Variants in KIRREL1 observed in about 807,000 individuals in gnomAD.
The protein encoded by KIRREL1 is kirre like nephrin family adhesion molecule 1.
KIRREL1 carries 25 observed loss-of-function variants against 83.3 expected under a neutral mutation model. The ratio of observed to expected loss-of-function variants is 0.30; its 90% CI spans 0.22 to 0.42. KIRREL1 has a LOEUF of 0.42. Ranked by LOEUF, KIRREL1 falls within the 10% of genes least tolerant of loss-of-function variation. The probability of loss-of-function intolerance (pLI) is 1.00; values close to 1 mark genes in which losing one functional copy is unlikely to be tolerated. For missense variants in KIRREL1, 812 were observed against 1,032.3 expected (o/e 0.79, Z 2.92); for synonymous variants, 388 against 410.4 (o/e 0.95, Z 0.66).
At chr1:158,077,677 C>T (rs953088658) in intron 2 of KIRREL1, among the ~76,000 whole-genome samples, 2 of 152,226 alleles carry the variant, frequency 1.3e-5, no homozygotes, top group Non-Finnish European at 2.9e-5. Flanking sequence ...CTCTCCTTTG[C>T]TCCCTGCTGT....
At chr1:157,998,329 C>G (rs1407355923) in intron 1 of KIRREL1, among the ~76,000 whole-genome samples, 3 of 152,132 alleles carry the variant, frequency 2.0e-5, no homozygotes, top group Non-Finnish European at 4.4e-5. Flanking sequence ...AGAATGAGAA[C>G]TAGGAAGAAA....
At chr1:158,057,731 C>T (rs1346124521) in intron 1 of KIRREL1, among the ~76,000 whole-genome samples, 1 of 152,162 alleles carries the variant, frequency 6.6e-6, no homozygotes, top group Admixed American at 6.5e-5. Flanking sequence ...AGCAGTTGGT[C>T]CCCTGAAAAG....
rs1305518460 is a variant in KIRREL1 at position 158,091,525 on chromosome 1, A to G, written c.1440A>G (p.Pro480=). ...GCACCGCCTGGAACAGCTTCGGGCC[A>G]GGCACAGCCATCATCCAGCTGGAAG... ...YNCTAWNSFG[P]GTAIIQLEER... is the part of the protein sequence containing the mutation. The change falls in exon 11 of 15, where the codon CCA becomes CCG. Residue 480 remains proline, a synonymous_variant. Transcript: ENST00000359209. The G allele has an allele frequency of 3.1e-6, 5 of 1,614,158 alleles. No individual in the cohort carries two copies. Among genetic ancestry groups the G allele is most frequent in the African/African-American group, 1.3e-5 (1 of 74,960 alleles).
At chr1:158,041,295 G>A (rs553890991) in intron 1 of KIRREL1, among the ~76,000 whole-genome samples, 3 of 152,324 alleles carry the variant, frequency 2.0e-5, no homozygotes, top group Admixed American at 6.5e-5. Context: ...CACAACTCCC[G>A]TGTGCCACTC....
intron 1 of KIRREL1, among the ~76,000 whole-genome samples, chr1:158,039,739 G>T (rs1414935273): frequency 1.3e-5 from 2 of 152,138 alleles, no homozygotes; most frequent in Non-Finnish European, 2.9e-5. Context: ...ATACAGTCTG[G>T]TCATGTATTG....
chr1:158,087,925 G>A (rs1262412213), intron 6 of KIRREL1, 65 bp downstream of exon 6: 22 of 1,606,810 alleles, frequency 1.4e-5, no homozygotes, highest in Non-Finnish European at 1.8e-5. Context: ...GTTAGAGGCT[G>A]TACTGGGGAG....
chr1:158,021,662 G>GAT (rs1164138775), intron 1 of KIRREL1, among the ~76,000 whole-genome samples: 1 of 152,102 alleles, frequency 6.6e-6, no homozygotes, highest in African/African-American at 2.4e-5. Flanking sequence ...CAGGTTACAG[G>GAT]ATATATATAA....
chr1:157,995,965 A>C (rs1274598031), intron 1 of KIRREL1, among the ~76,000 whole-genome samples: 1 of 151,550 alleles, frequency 6.6e-6, no homozygotes, highest in Non-Finnish European at 1.5e-5. Context: ...AGAGCTTGGC[A>C]GGACCCCCTT....
intron 1 of KIRREL1, among the ~76,000 whole-genome samples, chr1:158,044,776 G>T (rs1383446063): frequency 6.6e-6 from 1 of 152,076 alleles, no homozygotes; most frequent in African/African-American, 2.4e-5. Context: ...TTTTCCAAGT[G>T]CTGAGGATAC....
At position 158,095,025 on chromosome 1, in the gene KIRREL1, A is replaced by G. The variant is rs759859280; in HGVS notation, c.2179A>G (p.Ile727Val). 5 of 1,613,904 alleles carry G rather than the reference A, an allele frequency of 3.1e-6. No individual in the cohort carries two copies. Among genetic ancestry groups the G allele is most frequent in the Non-Finnish European group, 4.2e-6 (5 of 1,179,898 alleles). The change falls in exon 15 of 15, where the codon ATT becomes GTT. Residue 727 changes from isoleucine to valine, a missense_variant. Ile to Val is a conservative substitution (Grantham distance 29). Coordinates refer to ENST00000359209, the MANE Select transcript of KIRREL1 (RefSeq NM_018240.7). Reference protein sequence around the residue: ...ERTPYEAYDPIGKYATATRFS... With the variant: ...ERTPYEAYDPVGKYATATRFS... Reference sequence around the variant, plus strand: ...GACCCCATATGAGGCGTATGACCCCATTGGCAAGTACGCCACAGCCACTCG... The same window carrying G: ...GACCCCATATGAGGCGTATGACCCCGTTGGCAAGTACGCCACAGCCACTCG...
intron 1 of KIRREL1, among the ~76,000 whole-genome samples, chr1:158,001,160 A>G (rs547953673): frequency 6.6e-6 from 1 of 152,170 alleles, no homozygotes; most frequent in Non-Finnish European, 1.5e-5. Context: ...AGTCTGAGGA[A>G]TATATCTTCA....
intron 1 of KIRREL1, 37 bp downstream of exon 1, chr1:157,993,765 C>A (rs901561474): frequency 2.0e-5 from 27 of 1,365,902 alleles, no homozygotes; most frequent in Non-Finnish European, 2.5e-5. Flanking sequence ...CGCTCGGCTT[C>A]CCCCCGGGGC....
chr1:158,019,073 G>C (rs1431228460), intron 1 of KIRREL1, among the ~76,000 whole-genome samples: 1 of 152,148 alleles, frequency 6.6e-6, no homozygotes, highest in African/African-American at 2.4e-5. Context: ...CTGCCCTCTA[G>C]AAATTCCCAA....
rs1410600428 is a variant in KIRREL1, at chr1:158,097,061, C to A, written c.*1941C>A. The A allele has an allele frequency of 2.2e-6, 1 of 456,786 alleles. No individual in the cohort carries two copies. The highest frequency in any genetic ancestry group is 6.9e-5 in the East Asian group (1 of 14,396). 28.3% of individuals were successfully genotyped at this position (456,786 alleles called of 1,614,324 possible). A position where few individuals can be genotyped will look rare whatever the true frequency, so the allele number is the denominator to read the frequency against. ...TTAACTTCACAGGAAGTCTGTGCAT[C>A]CTCCTTCATTTCAGCAGGGAAAACT... On this transcript the variant is annotated 3_prime_UTR_variant, in exon 15 of 15. Transcript: ENST00000359209.
At chr1:157,999,556 T>A (rs986310528) in intron 1 of KIRREL1, among the ~76,000 whole-genome samples, 12 of 152,132 alleles carry the variant, frequency 7.9e-5, no homozygotes, top group Non-Finnish European at 1.6e-4. Context: ...TCTCCCCAAT[T>A]TCTGGGAGAT....
intron 1 of KIRREL1, among the ~76,000 whole-genome samples, chr1:158,072,851 G>A (rs893546400): frequency 3.7e-5 from 5 of 135,860 alleles, no homozygotes; most frequent in Non-Finnish European, 4.8e-5. Flanking sequence ...TGCAGGCCTC[G>A]GACAGGGCAT....
intron 1 of KIRREL1, among the ~76,000 whole-genome samples, chr1:158,003,843 A>G (rs1292965536): frequency 6.6e-6 from 1 of 152,184 alleles, no homozygotes; most frequent in African/African-American, 2.4e-5. Flanking sequence ...CCAAGTTGAA[A>G]TGACTTCTGG....
intron 1 of KIRREL1, among the ~76,000 whole-genome samples, chr1:158,071,058 T>C (rs539380203): frequency 1.3e-5 from 2 of 152,066 alleles, no homozygotes; most frequent in Non-Finnish European, 2.9e-5. Flanking sequence ...ACCTCTGTCT[T>C]TCTCCTGGTC....
chr1:158,091,659 C>T, intron 11 of KIRREL1, 103 bp downstream of exon 11: 1 of 1,140,300 alleles, frequency 8.8e-7, no homozygotes, highest in Non-Finnish European at 1.3e-6. Flanking sequence ...TTCCCTTGGG[C>T]TCTGCTCTGA....
Sources: gnomAD v4.1 joint callset for allele counts (sites outside exome capture counted in the v4.1 genomes callset) on GRCh38, gnomAD v4.1.1 for gene constraint, MANE v1.5 for transcripts, NCBI Gene and HGNC (gene_info 2026-07-23, HGNC 2026-07-21) for gene names.